Variants in PPP1R16B observed in about 807,000 individuals in gnomAD.
PPP1R16B encodes protein phosphatase 1 regulatory subunit 16B.
In PPP1R16B, 14 loss-of-function variants were observed where a neutral mutation model predicts 61.7. The ratio of observed to expected loss-of-function variants is 0.23; its 90% confidence interval spans 0.15 to 0.35. PPP1R16B has a LOEUF of 0.35. Ranked by LOEUF, PPP1R16B falls within the 10% of genes least tolerant of loss-of-function variation. The pLI, the probability that PPP1R16B is intolerant of heterozygous loss-of-function variation, is 1.00. For synonymous variants in PPP1R16B, 266 were observed against 305.3 expected (o/e 0.87, Z 1.34); for missense variants, 547 against 752.5 (o/e 0.73, Z 3.19).
At chr20:38,880,833 G>A (rs1428071389) in intron 2 of PPP1R16B, among the ~76,000 whole-genome samples, 3 of 152,174 alleles carry the variant, frequency 2.0e-5, no homozygotes, top group Non-Finnish European at 4.4e-5. Flanking sequence ...ATATACCTAG[G>A]AGTAGAATTG....
chr20:38,829,384 C>T (rs1398611859), intron 1 of PPP1R16B, among the ~76,000 whole-genome samples: 1 of 152,236 alleles, frequency 6.6e-6, no homozygotes, highest in Non-Finnish European at 1.5e-5. Flanking sequence ...CTCCACAGAT[C>T]CCTGCCACAG....
chr20:38,863,235 G>T (rs903566198), intron 2 of PPP1R16B, among the ~76,000 whole-genome samples: 1 of 152,122 alleles, frequency 6.6e-6, no homozygotes, highest in African/African-American at 2.4e-5. Context: ...TTCCCAGAAG[G>T]CAACTTCCTG....
At chr20:38,820,545 C>T (rs180945308) in intron 1 of PPP1R16B, among the ~76,000 whole-genome samples, 468 of 150,466 alleles carry the variant, frequency 3.1e-3, no homozygotes, top group African/African-American at 6.9e-3. Flanking sequence ...GCAACAAGAA[C>T]GAAACTTCGT....
rs1384723459 is a variant in PPP1R16B, at chr20:38,896,005, TC to T, written c.467+301del. 2.8e-4 allele frequency among the ~76,000 whole-genome samples: 34 copies of T among 120,878 alleles called. 1 individual carries two copies. The highest frequency in any genetic ancestry group is 5.6e-4 in the South Asian group (2 of 3,584). 79.3% of individuals were successfully genotyped at this position (120,878 alleles called of 152,430 possible). A position where few individuals can be genotyped will look rare whatever the true frequency, so the allele number is the denominator to read the frequency against. ...CTCCTTCCTTCTTTCTCTCCTCCCT[TC>T]CCCCCTTCCTTCTTTCTTTCCTCTC... On this transcript the variant is annotated intron_variant, in intron 4 of 10. Coordinates refer to ENST00000299824, the MANE Select transcript of PPP1R16B (RefSeq NM_015568.4).
At chr20:38,888,836 T>A (rs1295280721) in intron 2 of PPP1R16B, among the ~76,000 whole-genome samples, 1 of 149,662 alleles carries the variant, frequency 6.7e-6, no homozygotes, top group East Asian at 2.0e-4. Context: ...AGGCTGTCAA[T>A]GCTGTTCACT....
intron 2 of PPP1R16B, among the ~76,000 whole-genome samples, chr20:38,860,507 C>T (rs2085041871): frequency 6.6e-6 from 1 of 152,314 alleles, no homozygotes; most frequent in Admixed American, 6.5e-5. Flanking sequence ...CCACATGGGG[C>T]GGTATAGCCC....
intron 2 of PPP1R16B, among the ~76,000 whole-genome samples, chr20:38,886,307 C>A (rs1444089289): frequency 6.6e-6 from 1 of 152,098 alleles, no homozygotes; most frequent in Non-Finnish European, 1.5e-5. Context: ...AATAACTGCC[C>A]AACATCAGGG....
intron 2 of PPP1R16B, among the ~76,000 whole-genome samples, chr20:38,873,981 G>A (rs148285610): frequency 2.5e-3 from 382 of 151,998 alleles, no homozygotes; most frequent in African/African-American, 8.8e-3. Flanking sequence ...TGCCCGCCTC[G>A]GCCTCCCAAA....
rs754325497 is a variant in PPP1R16B, at chr20:38,908,055, G to A, written c.1056G>A (p.Ser352=). Residue 352 remains serine (S), a synonymous_variant, in exon 10 of 11, where the codon TCG becomes TCA. Coordinates refer to ENST00000299824, the MANE Select transcript of PPP1R16B (RefSeq NM_015568.4). ...RGKVVRRASL[S]DRTNLYRKEY... is the part of the protein sequence containing the mutation. ...AGGTGGTGCGGCGAGCCAGCCTGTC[G>A]GACAGGACCAACCTGTATAGGAAGG... 20 of 1,614,184 alleles carry A rather than the reference G, an allele frequency of 1.2e-5. No homozygotes were observed. In the South Asian group the frequency reaches 1.4e-4, roughly 12 times the overall value.
chr20:38,881,075 AC>A (rs1362480467), intron 2 of PPP1R16B, among the ~76,000 whole-genome samples: 2 of 152,052 alleles, frequency 1.3e-5, no homozygotes, highest in Non-Finnish European at 2.9e-5. Context: ...TGGGGATGTG[AC>A]TTTGAGGGAA....
chr20:38,807,605 C>G (rs899413256), intron 1 of PPP1R16B, among the ~76,000 whole-genome samples: 1 of 152,162 alleles, frequency 6.6e-6, no homozygotes, highest in African/African-American at 2.4e-5. Flanking sequence ...TCACACGGCC[C>G]TTCCCACACA....
chr20:38,859,910 C>T (rs2085035968), intron 2 of PPP1R16B, among the ~76,000 whole-genome samples: 1 of 152,158 alleles, frequency 6.6e-6, no homozygotes, highest in Non-Finnish European at 1.5e-5. Flanking sequence ...TTTCAGCATG[C>T]AATCAATATA....
At chr20:38,882,883 C>A (rs1173281442) in intron 2 of PPP1R16B, among the ~76,000 whole-genome samples, 1 of 152,144 alleles carries the variant, frequency 6.6e-6, no homozygotes, top group East Asian at 1.9e-4. Context: ...ACAGTGTGTG[C>A]AAAGGCCTGG....
intron 1 of PPP1R16B, among the ~76,000 whole-genome samples, chr20:38,814,044 G>A (rs776779875): frequency 2.0e-4 from 30 of 151,966 alleles, no homozygotes; most frequent in Non-Finnish European, 4.1e-4. Context: ...TGATCCACCC[G>A]GCTCGGCCTC....
Position 38,918,835 on chromosome 20 carries a change from C to A in PPP1R16B, c.*169C>A. Reference sequence around the variant, plus strand: ...CTGGCTGCCCATAGCATCCCATGTCCCACGTCCCGTGGTTCTGCTTCCTGC... The same window carrying A: ...CTGGCTGCCCATAGCATCCCATGTCACACGTCCCGTGGTTCTGCTTCCTGC... On this transcript the variant is annotated 3_prime_UTR_variant, in exon 11 of 11. Transcript: ENST00000299824. The surrounding 1 kb of genome is among the most constrained non-coding windows in gnomAD (Gnocchi z 5.3). 1 of 801,596 alleles carries A rather than the reference C, an allele frequency of 1.2e-6. No individual in the cohort carries two copies. Among genetic ancestry groups the A allele is most frequent in the Non-Finnish European group, 1.8e-6 (1 of 569,346 alleles). The allele number at this position is 801,596 out of a possible 1,614,324, so 49.7% of individuals were successfully genotyped here.
chr20:38,835,294 G>A (rs1321217094), intron 1 of PPP1R16B, among the ~76,000 whole-genome samples: 1 of 152,216 alleles, frequency 6.6e-6, no homozygotes, highest in African/African-American at 2.4e-5. Context: ...TGTTTGTATA[G>A]TCTCCAGATT....
intron 2 of PPP1R16B, among the ~76,000 whole-genome samples, chr20:38,840,078 C>T (rs750849579): frequency 1.3e-5 from 2 of 152,156 alleles, no homozygotes; most frequent in Non-Finnish European, 2.9e-5. Flanking sequence ...TCCACAGTTG[C>T]CTGGGTTTGG....
At chr20:38,904,289 C>A (rs531747279) in intron 6 of PPP1R16B, among the ~76,000 whole-genome samples, 1 of 152,370 alleles carries the variant, frequency 6.6e-6, no homozygotes, top group African/African-American at 2.4e-5. Context: ...GGGATCTTCT[C>A]TACCTGGGCT....
intron 1 of PPP1R16B, among the ~76,000 whole-genome samples, chr20:38,818,212 T>C (rs1227230679): frequency 6.6e-6 from 1 of 152,200 alleles, no homozygotes; most frequent in Non-Finnish European, 1.5e-5. Context: ...TACTAATATA[T>C]CCAGTGGGGG....
Sources: gnomAD v4.1 joint callset for allele counts (sites outside exome capture counted in the v4.1 genomes callset) on GRCh38, gnomAD v4.1.1 for gene constraint, Gnocchi (gnomAD v3.1) non-coding constraint, MANE v1.5 for transcripts, NCBI Gene and HGNC (gene_info 2026-07-23, HGNC 2026-07-21) for gene names.